Variants in CNTN4 observed in about 807,000 individuals in gnomAD.
CNTN4 encodes contactin 4, also known as contactin-4.
A neutral mutation model predicts 122.5 loss-of-function variants in CNTN4; 77 were observed. The observed-to-expected ratio is 0.63, with a 90% CI of 0.52 to 0.76. The LOEUF is 0.76. Ranked by LOEUF, CNTN4 falls within the 30% of genes least tolerant of loss-of-function variation. The pLI is 0.00. For synonymous variants in CNTN4, 512 were observed against 447.0 expected (o/e 1.15, Z -1.83); for missense variants, 1,256 against 1,259.1 (o/e 1.00, Z 0.04).
chr3:2,932,899 T>C (rs947162669), intron 13 of CNTN4, among the ~76,000 whole-genome samples: 91 of 152,218 alleles, frequency 6.0e-4, no homozygotes, highest in Non-Finnish European at 1.2e-3. Flanking sequence ...CTCGGCTCCC[T>C]GCGAGCTCCG....
chr3:2,981,317 G>A (rs1003453535), intron 13 of CNTN4, among the ~76,000 whole-genome samples: 17 of 151,738 alleles, frequency 1.1e-4, no homozygotes, highest in Non-Finnish European at 2.2e-4. Context: ...GGTGGCGGGC[G>A]CCTGTAGTCC....
chr3:3,048,935 G>C (rs979246310), intron 23 of CNTN4, among the ~76,000 whole-genome samples: 4 of 152,138 alleles, frequency 2.6e-5, no homozygotes, highest in African/African-American at 9.7e-5. Context: ...TGGCATTAGA[G>C]CTAAAAGGAG....
chr3:2,224,082 T>C (rs1461946473), intron 2 of CNTN4, among the ~76,000 whole-genome samples: 1 of 152,150 alleles, frequency 6.6e-6, no homozygotes, highest in African/African-American at 2.4e-5. Context: ...ATAGATATTT[T>C]TTACTAACGT....
At chr3:2,605,886 TA>T (rs2081235988) in intron 4 of CNTN4, among the ~76,000 whole-genome samples, 1 of 152,192 alleles carries the variant, frequency 6.6e-6, no homozygotes. Context: ...ATAATTTTAA[TA>T]TGATAATAGT....
intron 2 of CNTN4, among the ~76,000 whole-genome samples, chr3:2,320,467 C>T (rs1457679360): frequency 1.3e-5 from 2 of 152,148 alleles, no homozygotes; most frequent in Non-Finnish European, 2.9e-5. Flanking sequence ...TTAACCTCAG[C>T]GTCCCACCTT....
At chr3:2,451,428 A>G (rs2048824728) in intron 3 of CNTN4, among the ~76,000 whole-genome samples, 1 of 143,296 alleles carries the variant, frequency 7.0e-6, no homozygotes, top group African/African-American at 2.7e-5. Flanking sequence ...GAATTAAAAT[A>G]GTTTAGACTG....
chr3:2,547,883 C>T (rs2078314434), intron 3 of CNTN4, among the ~76,000 whole-genome samples: 4 of 152,062 alleles, frequency 2.6e-5, no homozygotes, highest in Admixed American at 2.6e-4. Flanking sequence ...CTTGTTTTCA[C>T]AGAGACATGC....
At chr3:2,467,362 G>A (rs527456005) in intron 3 of CNTN4, among the ~76,000 whole-genome samples, 4 of 152,168 alleles carry the variant, frequency 2.6e-5, no homozygotes. Context: ...ATTTGCCCTT[G>A]GACAGTTATT....
intron 4 of CNTN4, among the ~76,000 whole-genome samples, chr3:2,694,421 C>T (rs2085908271): frequency 6.6e-6 from 1 of 152,188 alleles, no homozygotes. Context: ...TCTTTACATT[C>T]CCAGAAATCA....
intron 3 of CNTN4, among the ~76,000 whole-genome samples, chr3:2,425,191 C>T (rs781099934): frequency 1.4e-4 from 22 of 152,030 alleles, no homozygotes; most frequent in Middle Eastern, 3.4e-3. Context: ...TTCTAGGGTT[C>T]TTATGGTTTT....
intron 3 of CNTN4, among the ~76,000 whole-genome samples, chr3:2,411,485 A>G (rs1368700487): frequency 1.3e-5 from 2 of 152,216 alleles, no homozygotes; most frequent in Admixed American, 6.5e-5. Context: ...AAAGTAGACT[A>G]TTGATATAAA....
At chr3:2,740,457 A>G (rs1200635350) in intron 5 of CNTN4, among the ~76,000 whole-genome samples, 1 of 152,218 alleles carries the variant, frequency 6.6e-6, no homozygotes, top group East Asian at 1.9e-4. Flanking sequence ...TGATAAAATT[A>G]TAAAGAATAT....
chr3:2,920,501 G>A lies in CNTN4; in HGVS notation c.1208-5128G>A, dbSNP rs1430624730. On this transcript the variant is annotated intron_variant, in intron 12 of 24. Coordinates refer to ENST00000418658, the MANE Select transcript of CNTN4 (RefSeq NM_175607.3). ...TAAGATGTAACCATTGGGGGAGACG[G>A]GGTGAAGGATGCACAGGACCTTTCT... Among the ~76,000 whole-genome samples the A allele has an allele frequency of 2.0e-5, 3 of 151,852 alleles. No homozygotes were observed. In the South Asian group the frequency reaches 6.3e-4, roughly 32 times the overall value.
intron 6 of CNTN4, among the ~76,000 whole-genome samples, chr3:2,813,546 C>A (rs1489437105): frequency 1.3e-5 from 2 of 152,042 alleles, no homozygotes; most frequent in Non-Finnish European, 1.5e-5. Flanking sequence ...ATCTCATTAA[C>A]CTTTCCTGGC....
chr3:2,771,387 G>T (rs1428335634), intron 6 of CNTN4, among the ~76,000 whole-genome samples: 1 of 152,170 alleles, frequency 6.6e-6, no homozygotes, highest in East Asian at 1.9e-4. Flanking sequence ...CTCTAATGCA[G>T]TGTTGGAAAC....
At chr3:2,525,918 A>G (rs1230771455) in intron 3 of CNTN4, among the ~76,000 whole-genome samples, 2 of 152,154 alleles carry the variant, frequency 1.3e-5, no homozygotes, top group Non-Finnish European at 2.9e-5. Context: ...GGAAACAAAT[A>G]CACATTATAC....
chr3:2,305,859 A>G (rs1253938134), intron 2 of CNTN4, among the ~76,000 whole-genome samples: 1 of 152,184 alleles, frequency 6.6e-6, no homozygotes, highest in East Asian at 1.9e-4. Flanking sequence ...CCTGTTCAAG[A>G]AGTGTAACAC....
intron 12 of CNTN4, among the ~76,000 whole-genome samples, chr3:2,925,072 A>G (rs2094460471): frequency 6.6e-6 from 1 of 152,238 alleles, no homozygotes; most frequent in Non-Finnish European, 1.5e-5. Context: ...GGAGATGAGA[A>G]TATTCTGTGT....
At chr3:2,120,746 G>T (rs544703681) in intron 2 of CNTN4, among the ~76,000 whole-genome samples, 1 of 151,892 alleles carries the variant, frequency 6.6e-6, no homozygotes, top group Non-Finnish European at 1.5e-5. Context: ...CACGAGTGTG[G>T]ACTGCTAGCT....
Sources: gnomAD v4.1 joint callset for allele counts (sites outside exome capture counted in the v4.1 genomes callset) on GRCh38, gnomAD v4.1.1 for gene constraint, MANE v1.5 for transcripts, NCBI Gene and HGNC (gene_info 2026-07-23, HGNC 2026-07-21) for gene names.